The following NR5A2 variants were observed in gnomAD, a reference collection of about 807,000 sequenced individuals.
NR5A2 encodes CYP7A promoter-binding factor.
NR5A2 carries 26 observed loss-of-function variants against 62.7 expected under a neutral mutation model. The ratio of observed to expected loss-of-function variants is 0.41; its 90% CI spans 0.30 to 0.58. NR5A2 has a LOEUF of 0.58. Among genes scored for constraint, NR5A2 ranks in the 20% least tolerant of loss-of-function variants. The probability of loss-of-function intolerance (pLI) is 0.22; values close to 1 mark genes in which losing one functional copy is unlikely to be tolerated. For synonymous variants in NR5A2, 246 were observed against 241.7 expected (o/e 1.02, Z -0.16); for missense variants, 541 against 669.1 (o/e 0.81, Z 2.11).
At chr1:200,042,728 C>CCCGCGCT in intron 2 of NR5A2, 7 of 877,568 alleles carry the variant, frequency 8.0e-6, no homozygotes, top group Non-Finnish European at 9.6e-6. Flanking sequence ...CCACCCGCGC[C>CCCGCGCT]CCGCGCTCCC....
rs150251388 is a variant in NR5A2, at chr1:200,158,577, C to T, written c.1379-15386C>T. Among the ~76,000 whole-genome samples, 404 of 152,236 alleles carry T rather than the reference C, an allele frequency of 2.7e-3. 1 individual carries two copies. Among genetic ancestry groups the T allele is most frequent in the Non-Finnish European group, 4.3e-3 (295 of 68,022 alleles). On this transcript the variant is annotated intron_variant, in intron 7 of 7. Coordinates refer to ENST00000367362, the MANE Select transcript of NR5A2 (RefSeq NM_205860.3). ...GATAGAATTTATTTTTCATCAGTTA[C>T]ATACTCAAAGGCTAAAACAGGAAGG...
rs1000264200 is a variant in NR5A2, at chr1:200,176,937, G to A, written c.*2727G>A. 2 of 152,250 alleles carry A rather than the reference G, an allele frequency of 1.3e-5. No individual in the cohort carries two copies. Among genetic ancestry groups the A allele is most frequent in the Admixed American group, 6.5e-5 (1 of 15,290 alleles). 9.4% of individuals were successfully genotyped at this position (152,250 alleles called of 1,614,324 possible). A position where few individuals can be genotyped will look rare whatever the true frequency, so the allele number is the denominator to read the frequency against. ...AAATCATGAGAATGATTAGAAAGAC[G>A]GGCAACACAGCGGGTTACATCCACA... is the stretch of plus-strand genomic sequence containing the variant. On this transcript the variant is annotated 3_prime_UTR_variant, in exon 8 of 8. Coordinates refer to ENST00000367362, the MANE Select transcript of NR5A2 (RefSeq NM_205860.3).
chr1:200,106,061 C>CCTCTTTTT (rs373033375), intron 5 of NR5A2, among the ~76,000 whole-genome samples: 2 of 115,064 alleles, frequency 1.7e-5, no homozygotes, highest in Admixed American at 1.7e-4. Flanking sequence ...CAGATTCACT[C>CCTCTTTTT]TTCTTTTTTT....
intron 5 of NR5A2, among the ~76,000 whole-genome samples, chr1:200,080,501 T>C (rs906205834): frequency 6.6e-6 from 1 of 152,168 alleles, no homozygotes; most frequent in Non-Finnish European, 1.5e-5. Context: ...AGAGAGAGAA[T>C]GCTTATTTTA....
chr1:200,113,523 C>T (rs1373883672), intron 6 of NR5A2, among the ~76,000 whole-genome samples: 9 of 152,174 alleles, frequency 5.9e-5, no homozygotes, highest in Non-Finnish European at 2.9e-5. Context: ...AAGCCTGTAA[C>T]CTCTCTATCA....
chr1:200,141,711 AC>A (rs937298548), intron 7 of NR5A2, among the ~76,000 whole-genome samples: 2 of 152,202 alleles, frequency 1.3e-5, no homozygotes, highest in Non-Finnish European at 2.9e-5. Context: ...TTACTAATAA[AC>A]CATCCTAGTT....
At chr1:200,140,223 G>A (rs185587511) in intron 7 of NR5A2, among the ~76,000 whole-genome samples, 2 of 148,542 alleles carry the variant, frequency 1.3e-5, no homozygotes, top group Non-Finnish European at 3.0e-5. Context: ...TATTATTATC[G>A]TGTGCTTCTT....
intron 5 of NR5A2, among the ~76,000 whole-genome samples, chr1:200,051,660 G>A (rs1258690070): frequency 1.3e-5 from 2 of 152,006 alleles, no homozygotes; most frequent in East Asian, 1.9e-4. Flanking sequence ...AGTGATTCAA[G>A]TATTTTTTGG....
intron 6 of NR5A2, among the ~76,000 whole-genome samples, chr1:200,114,038 C>T (rs1666090399): frequency 6.6e-6 from 1 of 151,982 alleles, no homozygotes; most frequent in South Asian, 2.1e-4. Flanking sequence ...AAAAAATTAG[C>T]CTGGCATGGT....
intron 5 of NR5A2, among the ~76,000 whole-genome samples, chr1:200,106,536 G>A (rs1043594403): frequency 6.6e-6 from 1 of 152,006 alleles, no homozygotes; most frequent in African/African-American, 2.4e-5. Flanking sequence ...TCCTTTTATT[G>A]TAGCTGATAA....
intron 5 of NR5A2, among the ~76,000 whole-genome samples, chr1:200,073,268 T>TTATATATATATATATATATATATA (rs371537456): frequency 1.8e-5 from 2 of 111,228 alleles, no homozygotes; most frequent in African/African-American, 7.1e-5. Context: ...ATATTCCCCT[T>TTATATATATATATATATATATATA]TATATATATA....
intron 7 of NR5A2, among the ~76,000 whole-genome samples, chr1:200,132,138 T>C (rs1666991643): frequency 6.6e-6 from 1 of 151,896 alleles, no homozygotes; most frequent in South Asian, 2.1e-4. Context: ...GCCGCCTGAG[T>C]AGTTAGGATT....
At chr1:200,046,223 A>G (rs867549772) in intron 4 of NR5A2, among the ~76,000 whole-genome samples, 5 of 152,348 alleles carry the variant, frequency 3.3e-5, no homozygotes, top group Admixed American at 1.3e-4. Flanking sequence ...GTCTGAAAAG[A>G]ACAAGAAAGT....
intron 7 of NR5A2, among the ~76,000 whole-genome samples, chr1:200,126,388 T>G (rs1666700895): frequency 1.3e-5 from 2 of 152,144 alleles, no homozygotes; most frequent in African/African-American, 2.4e-5. Flanking sequence ...TCTGTCAAAT[T>G]AATAAACTGT....
At chr1:200,059,844 GA>G (rs1663111742) in intron 5 of NR5A2, among the ~76,000 whole-genome samples, 1 of 152,186 alleles carries the variant, frequency 6.6e-6, no homozygotes, top group Non-Finnish European at 1.5e-5. Context: ...TCCATTTGCA[GA>G]ATGGCTCCAT....
At chr1:200,042,153 A>G (rs1662120313) in intron 2 of NR5A2, among the ~76,000 whole-genome samples, 2 of 152,036 alleles carry the variant, frequency 1.3e-5, no homozygotes, top group African/African-American at 4.8e-5. Flanking sequence ...CTCGCCTAGC[A>G]TCCCTTTATT....
At chr1:200,173,850 A>C in intron 7 of NR5A2, 113 bp from the exon 8 acceptor site, 1 of 1,106,618 alleles carries the variant, frequency 9.0e-7, no homozygotes, top group Admixed American at 3.5e-5. Context: ...CAGCATGTAA[A>C]GTATGTTTAT....
rs60365337 is a variant in NR5A2 at position 200,144,233 on chromosome 1, T to TCA, written c.1378+23315_1378+23316dup. Among the ~76,000 whole-genome samples the TCA allele has an allele frequency of 2.4e-3, 196 of 80,120 alleles. No homozygotes were observed. In the South Asian group the frequency reaches 0.029, roughly 12 times the overall value. The allele number at this position is 80,120 out of a possible 152,430, so 52.6% of individuals were successfully genotyped here. ...CACTGTTTCTCTCTCTCTCTCTCTCTCACACACACACACACACACACACAC... is the reference window on the plus strand; with the variant it reads ...CACTGTTTCTCTCTCTCTCTCTCTCTCACACACACACACACACACACACACAC... On this transcript the variant is annotated intron_variant, in intron 7 of 7. Transcript: ENST00000367362.
chr1:200,052,559 C>T (rs1662686480), intron 5 of NR5A2, among the ~76,000 whole-genome samples: 1 of 152,140 alleles, frequency 6.6e-6, no homozygotes, highest in Admixed American at 6.6e-5. Context: ...ACTTATTGGA[C>T]AGATTTTTTA....
Sources: allele counts gnomAD v4.1 joint callset (sites outside exome capture counted in the v4.1 genomes callset), GRCh38; gene constraint gnomAD v4.1.1; transcripts MANE v1.5; gene names NCBI Gene and HGNC (gene_info 2026-07-23, HGNC 2026-07-21).